Variants in PRR33 observed in about 807,000 individuals in gnomAD.
PRR33 encodes proline rich 33.
Under a neutral mutation model 0.5 loss-of-function variants are expected in PRR33, and 1 was observed. The observed-to-expected ratio is 2.18, with a 90% CI of 0.77 to 10.34. The LOEUF (loss-of-function observed/expected upper bound fraction) is 10.34. PRR33 is among the 30% of genes most tolerant of loss of function. The pLI, the probability that PRR33 is intolerant of heterozygous loss-of-function variation, is 0.13. For missense variants in PRR33, 552 were observed against 251.8 expected, an observed-to-expected ratio of 2.19 and a Z score of -8.07; for synonymous variants, 226 against 110.0, an observed-to-expected ratio of 2.06 and a Z score of -6.60.
chr11:1,905,184 T>A, the PRR33 span, among the ~76,000 whole-genome samples: 17 of 140,848 alleles, frequency 1.2e-4, no homozygotes, highest in African/African-American at 4.2e-4. Context: ...TGGAGTGCAG[T>A]GGCGCGATCT....
the PRR33 span, among the ~76,000 whole-genome samples, chr11:1,915,447 CGTGT>C: frequency 1.0e-4 from 13 of 124,686 alleles, no homozygotes; most frequent in East Asian, 1.6e-3. Context: ...GATGTTTCTG[CGTGT>C]GTGTGTATGT....
upstream of PRR33, among the ~76,000 whole-genome samples, chr11:1,893,430 T>C (rs987651597): frequency 8.7e-5 from 11 of 126,916 alleles, no homozygotes; most frequent in Non-Finnish European, 1.8e-4. Context: ...GGAGGATGGC[T>C]GGCTGGCTGG....
chr11:1,900,903 C>T, the PRR33 span, among the ~76,000 whole-genome samples: 2 of 152,214 alleles, frequency 1.3e-5, no homozygotes. Context: ...TAGCTCTCTC[C>T]ACTGGGAAAG....
the PRR33 span, among the ~76,000 whole-genome samples, chr11:1,902,314 T>G: frequency 6.6e-6 from 1 of 151,774 alleles, no homozygotes; most frequent in Non-Finnish European, 1.5e-5. Context: ...GCTTCTTAGC[T>G]GAAATTACTG....
the PRR33 span, chr11:1,903,027 G>T: frequency 0.02 from 3,010 of 152,152 alleles, 176 homozygotes; most frequent in East Asian, 0.23. Context: ...CATTTTAGCC[G>T]GCTTCTTTAC....
At chr11:1,890,765 G>A (rs1339145592) in exon 1 of PRR33, 8 of 598,652 alleles carry the variant, frequency 1.3e-5, no homozygotes, top group African/African-American at 1.9e-5. Context: ...TGTGCCTTGG[G>A]GACTTTGGGG....
At chr11:1,911,518 A>G in the PRR33 span, among the ~76,000 whole-genome samples, 3 of 151,192 alleles carry the variant, frequency 2.0e-5, no homozygotes, top group South Asian at 2.2e-4. Flanking sequence ...CCCGGGTTCA[A>G]TCGATTCTCC....
the PRR33 span, among the ~76,000 whole-genome samples, chr11:1,906,379 T>C: frequency 3.9e-5 from 6 of 152,212 alleles, no homozygotes; most frequent in Non-Finnish European, 8.8e-5. Context: ...AGTTGTTAGC[T>C]TTAACGTCCC....
the PRR33 span, among the ~76,000 whole-genome samples, chr11:1,908,288 T>G: frequency 6.6e-6 from 1 of 152,282 alleles, no homozygotes; most frequent in East Asian, 1.9e-4. Context: ...AATTTCAGCT[T>G]CTTTTTGCCA....
chr11:1,916,623 G>C, the PRR33 span, among the ~76,000 whole-genome samples: 1 of 152,124 alleles, frequency 6.6e-6, no homozygotes. Context: ...CCAGGGGCAG[G>C]GGGTAGTTGG....
At chr11:1,912,221 A>G in the PRR33 span, among the ~76,000 whole-genome samples, 1 of 152,080 alleles carries the variant, frequency 6.6e-6, no homozygotes, top group African/African-American at 2.4e-5. Flanking sequence ...CCCCTTGGTC[A>G]TAATGTAATT....
chr11:1,902,002 G>A, the PRR33 span, among the ~76,000 whole-genome samples: 1 of 152,158 alleles, frequency 6.6e-6, no homozygotes, highest in Non-Finnish European at 1.5e-5. Flanking sequence ...GGAGGCCGAG[G>A]CGGGTGGATC....
chr11:1,916,679 C>T, the PRR33 span, among the ~76,000 whole-genome samples: 1 of 152,158 alleles, frequency 6.6e-6, no homozygotes, highest in Admixed American at 6.5e-5. Flanking sequence ...CCGCCCCCGA[C>T]CAGCCCTGGC....
chr11:1,896,983 G>A, the PRR33 span, among the ~76,000 whole-genome samples: 2 of 152,230 alleles, frequency 1.3e-5, no homozygotes, highest in Non-Finnish European at 2.9e-5. Context: ...GGTTCAGAGA[G>A]GCTCTGGTGC....
At chr11:1,906,863 G>A in the PRR33 span, among the ~76,000 whole-genome samples, 1 of 152,190 alleles carries the variant, frequency 6.6e-6, no homozygotes, top group Non-Finnish European at 1.5e-5. Flanking sequence ...GGACTCTCGG[G>A]TCTCAGCTTC....
the PRR33 span, among the ~76,000 whole-genome samples, chr11:1,906,922 C>T: frequency 1.6e-4 from 24 of 152,212 alleles, no homozygotes; most frequent in Non-Finnish European, 2.2e-4. Flanking sequence ...TGCCTGGAGA[C>T]CCCCAGCTCT....
At chr11:1,917,061 C>A in the PRR33 span, among the ~76,000 whole-genome samples, 1 of 152,246 alleles carries the variant, frequency 6.6e-6, no homozygotes, top group African/African-American at 2.4e-5. Context: ...ACTGCAAAAT[C>A]AGAAGCACTA....
the PRR33 span, among the ~76,000 whole-genome samples, chr11:1,901,608 A>G: frequency 6.6e-6 from 1 of 152,214 alleles, no homozygotes; most frequent in Non-Finnish European, 1.5e-5. Flanking sequence ...TTTGCCTTCA[A>G]AAAAGATAAC....
At chr11:1,911,999 T>TAAAAAAAAA in the PRR33 span, among the ~76,000 whole-genome samples, 2 of 26,996 alleles carry the variant, frequency 7.4e-5, 1 homozygote, top group African/African-American at 2.7e-4. Context: ...ACCCCATCTC[T>TAAAAAAAAA]AAAAAAAAAA....
Sources: allele counts gnomAD v4.1 joint callset (sites outside exome capture counted in the v4.1 genomes callset), GRCh38; gene constraint gnomAD v4.1.1; transcripts MANE v1.5; gene names NCBI Gene and HGNC (gene_info 2026-07-23, HGNC 2026-07-21).